The following LPP variants were observed in gnomAD, a reference collection of about 807,000 sequenced individuals.
LPP encodes the protein lipoma-preferred partner.
In LPP, 38 loss-of-function variants were observed where a neutral mutation model predicts 60.4. The ratio of observed to expected loss-of-function variants is 0.63; its 90% CI spans 0.49 to 0.83. The LOEUF (loss-of-function observed/expected upper bound fraction) is 0.83, where lower values mean the gene tolerates loss of function less well. Ranked by LOEUF, LPP falls within the 40% of genes least tolerant of loss-of-function variation. The pLI is 0.00. For synonymous variants in LPP, 328 were observed against 290.8 expected, an observed-to-expected ratio of 1.13 and a Z score of -1.30; for missense variants, 902 against 783.6, an observed-to-expected ratio of 1.15 and a Z score of -1.80.
chr3:188,527,635 T>G (rs1821005160), intron 6 of LPP, among the ~76,000 whole-genome samples: 1 of 152,168 alleles, frequency 6.6e-6, no homozygotes, highest in African/African-American at 2.4e-5. Flanking sequence ...AGCAATTTTT[T>G]TTGATTCCAC....
intron 9 of LPP, among the ~76,000 whole-genome samples, chr3:188,824,653 A>G (rs1446397518): frequency 6.6e-6 from 1 of 152,168 alleles, no homozygotes. Flanking sequence ...AAAATTGTGA[A>G]CCTGGGATGC....
intron 4 of LPP, among the ~76,000 whole-genome samples, chr3:188,423,312 A>T (rs1384842372): frequency 6.6e-6 from 1 of 152,156 alleles, no homozygotes; most frequent in Non-Finnish European, 1.5e-5. Flanking sequence ...TCCATGGTGT[A>T]TCTGTGCCAC....
chr3:188,679,637 G>A (rs1465605076), intron 7 of LPP, among the ~76,000 whole-genome samples: 5 of 151,732 alleles, frequency 3.3e-5, no homozygotes, highest in Admixed American at 3.3e-4. Context: ...CTGTGCTCAG[G>A]AATACATTAC....
At chr3:188,514,177 C>T (rs557727920) in intron 5 of LPP, among the ~76,000 whole-genome samples, 1 of 152,216 alleles carries the variant, frequency 6.6e-6, no homozygotes, top group Admixed American at 6.5e-5. Context: ...TCAGGAAGCT[C>T]AGGGTCAGGG....
chr3:188,466,552 A>C (rs13076048), intron 4 of LPP, among the ~76,000 whole-genome samples: 58,705 of 151,324 alleles, frequency 0.39, 11,779 homozygotes, highest in Admixed American at 0.46. Context: ...TTATTTGTCA[A>C]TCTCACATCC....
Position 188,875,592 on chromosome 3 carries a change from T to G in LPP, c.*1113T>G, listed in dbSNP as rs1006442953. ...AAGAGTAGAAAGCTTGAAAAGATTC[T>G]GAAACCACAGTTTCATTATTCTCAT... On this transcript the variant is annotated 3_prime_UTR_variant, in exon 12 of 12. Transcript: ENST00000617246. 4 of 207,596 alleles carry G rather than the reference T, an allele frequency of 1.9e-5. No homozygotes were observed. The highest frequency in any genetic ancestry group is 5.9e-5 in the Admixed American group (1 of 16,870). The allele number at this position is 207,596 out of a possible 1,614,324, so 12.9% of individuals were successfully genotyped here. A position where few individuals can be genotyped will look rare whatever the true frequency, so the allele number is the denominator to read the frequency against.
At chr3:188,490,751 A>ATTTTTTTTTTTTTTTTT (rs58700818) in intron 5 of LPP, among the ~76,000 whole-genome samples, 4 of 91,746 alleles carry the variant, frequency 4.4e-5, no homozygotes, top group African/African-American at 7.9e-5. Context: ...TGGCACTGGA[A>ATTTTTTTTTTTTTTTTT]TTTTTTTTTT....
chr3:188,626,098 A>G (rs964496869), intron 7 of LPP, among the ~76,000 whole-genome samples: 1 of 152,236 alleles, frequency 6.6e-6, no homozygotes, highest in East Asian at 1.9e-4. Flanking sequence ...TGTGGAAATA[A>G]CTTCTGTATG....
At chr3:188,628,408 A>C (rs989623998) in intron 7 of LPP, among the ~76,000 whole-genome samples, 2 of 152,110 alleles carry the variant, frequency 1.3e-5, no homozygotes, top group African/African-American at 4.8e-5. Flanking sequence ...CTGAAATGAC[A>C]AAGGGTACAT....
intron 8 of LPP, among the ~76,000 whole-genome samples, chr3:188,728,433 A>G (rs1373113799): frequency 6.6e-6 from 1 of 152,298 alleles, no homozygotes; most frequent in South Asian, 2.1e-4. Flanking sequence ...AGAATGCACT[A>G]TGTTATTTGA....
intron 6 of LPP, among the ~76,000 whole-genome samples, chr3:188,531,540 G>T (rs911932167): frequency 6.6e-6 from 1 of 152,094 alleles, no homozygotes; most frequent in East Asian, 1.9e-4. Flanking sequence ...TGAGAAAGGG[G>T]CTAGAGATTG....
intron 8 of LPP, among the ~76,000 whole-genome samples, chr3:188,726,795 A>G (rs1718568946): frequency 6.6e-6 from 1 of 152,208 alleles, no homozygotes; most frequent in South Asian, 2.1e-4. Flanking sequence ...ATTTACAAGC[A>G]CATAGATGTA....
chr3:188,268,996 G>A (rs1234964146), intron 2 of LPP, among the ~76,000 whole-genome samples: 1 of 152,164 alleles, frequency 6.6e-6, no homozygotes, highest in Non-Finnish European at 1.5e-5. Context: ...CAGAATTGAT[G>A]GACCTCGAAT....
intron 4 of LPP, among the ~76,000 whole-genome samples, chr3:188,479,178 T>C (rs77039946): frequency 0.19 from 29,098 of 152,248 alleles, 3,452 homozygotes; most frequent in Middle Eastern, 0.35. Flanking sequence ...CAGTCTCTTT[T>C]GACTTCATAA....
chr3:188,188,932 A>C (rs1234269331), intron 1 of LPP, among the ~76,000 whole-genome samples: 1 of 150,566 alleles, frequency 6.6e-6, no homozygotes, highest in Non-Finnish European at 1.5e-5. Flanking sequence ...ATACTAAAAG[A>C]ATATGTACCT....
chr3:188,676,846 T>C lies in LPP; in HGVS notation c.1114-31421T>C, dbSNP rs147974241. 1.1e-3 allele frequency among the ~76,000 whole-genome samples: 164 copies of C among 152,294 alleles called. 2 individuals are homozygous for C. The highest frequency in any genetic ancestry group is 3.8e-3 in the African/African-American group (159 of 41,560). On this transcript the variant is annotated intron_variant, in intron 7 of 11. Transcript: ENST00000617246. Reference sequence around the variant, plus strand: ...GCCAATAGAAACAGCAAAGGTCACATGTAGTCTTTGATGACTTGTGTGTGA... The same window carrying C: ...GCCAATAGAAACAGCAAAGGTCACACGTAGTCTTTGATGACTTGTGTGTGA...
chr3:188,255,849 C>G (rs982054247), intron 2 of LPP, among the ~76,000 whole-genome samples: 1 of 152,060 alleles, frequency 6.6e-6, no homozygotes, highest in Admixed American at 6.6e-5. Context: ...GTAAAGTAGC[C>G]AAATACCTAC....
intron 4 of LPP, among the ~76,000 whole-genome samples, chr3:188,421,775 A>G (rs1202801798): frequency 1.3e-5 from 2 of 152,172 alleles, no homozygotes; most frequent in African/African-American, 2.4e-5. Context: ...AAAAGATTCA[A>G]CCACATCGAT....
chr3:188,282,220 G>A (rs1318352805), intron 2 of LPP, among the ~76,000 whole-genome samples: 2 of 151,816 alleles, frequency 1.3e-5, no homozygotes, highest in Non-Finnish European at 1.5e-5. Context: ...GTGGCCAGGC[G>A]TTTACATAAT....
Sources: allele counts gnomAD v4.1 joint callset (sites outside exome capture counted in the v4.1 genomes callset), GRCh38; gene constraint gnomAD v4.1.1; transcripts MANE v1.5; gene names NCBI Gene and HGNC (gene_info 2026-07-23, HGNC 2026-07-21).